GABRG2: variants seen among roughly 807,000 people sequenced by gnomAD.
GABRG2 encodes the protein gamma-aminobutyric acid type A receptor subunit gamma2.
A neutral mutation model predicts 56.4 loss-of-function variants in GABRG2; 16 were observed. The observed-to-expected ratio is 0.28, with a 90% CI of 0.19 to 0.43. The LOEUF is 0.43. GABRG2 is among the 20% of genes least tolerant of loss of function. The pLI is 1.00. For missense variants in GABRG2, 327 were observed against 582.7 expected, an observed-to-expected ratio of 0.56 and a Z score of 4.52; for synonymous variants, 208 against 205.5, an observed-to-expected ratio of 1.01 and a Z score of -0.10.
intron 7 of GABRG2, 22 bp from the exon 8 acceptor site, chr5:162,149,085 TG>T: frequency 6.2e-7 from 1 of 1,610,872 alleles, no homozygotes; most frequent in Non-Finnish European, 8.5e-7. Flanking sequence ...TCACATGACC[TG>T]TATTATTACA....
At position 162,148,613 on chromosome 5, in the gene GABRG2, G is replaced by T. The variant is rs191743342; in HGVS notation, c.923-495G>T. On this transcript the variant is annotated intron_variant, in intron 7 of 9. Transcript: ENST00000639213. ...TTAATCCCCTTGTCCCTTCCCAGGT[G>T]CCAGGTCTTCTAAAAATTTAAATAA... Among the ~76,000 whole-genome samples, 499 of 152,174 alleles carry T rather than the reference G, an allele frequency of 3.3e-3. 3 individuals are homozygous for T. The highest frequency in any genetic ancestry group is 0.011 in the African/African-American group (461 of 41,508).
chr5:162,097,136 A>G (rs1041909122), intron 3 of GABRG2, among the ~76,000 whole-genome samples: 4 of 152,098 alleles, frequency 2.6e-5, no homozygotes, highest in Non-Finnish European at 4.4e-5. Flanking sequence ...GTTTCACTCT[A>G]CAGTGGTGGT....
intron 6 of GABRG2, among the ~76,000 whole-genome samples, chr5:162,105,616 G>A (rs1164440962): frequency 2.0e-5 from 3 of 151,582 alleles, no homozygotes; most frequent in African/African-American, 7.3e-5. Context: ...TTTTTTAGTA[G>A]AGACGTGGTT....
intron 1 of GABRG2, among the ~76,000 whole-genome samples, chr5:162,072,737 G>A (rs996631993): frequency 2.6e-5 from 4 of 151,676 alleles, no homozygotes; most frequent in East Asian, 1.9e-4. Context: ...CTGTGACTCC[G>A]CAAAGTATTT....
intron 4 of GABRG2, among the ~76,000 whole-genome samples, chr5:162,100,761 A>C (rs889155441): frequency 2.0e-5 from 3 of 152,194 alleles, no homozygotes; most frequent in African/African-American, 7.2e-5. Context: ...GTATTTGTAC[A>C]CTCACCTTTA....
chr5:162,136,436 A>G (rs1243801288), intron 6 of GABRG2, among the ~76,000 whole-genome samples: 2 of 151,928 alleles, frequency 1.3e-5, no homozygotes, highest in Non-Finnish European at 2.9e-5. Context: ...CATTTTAGAT[A>G]GGACAGGTGT....
chr5:162,135,570 A>T (rs1014617337), intron 6 of GABRG2, among the ~76,000 whole-genome samples: 1 of 152,218 alleles, frequency 6.6e-6, no homozygotes, highest in Non-Finnish European at 1.5e-5. Flanking sequence ...TATAATCTAG[A>T]GTATAATCCA....
chr5:162,128,061 A>G (rs1763468567), intron 6 of GABRG2, among the ~76,000 whole-genome samples: 1 of 152,146 alleles, frequency 6.6e-6, no homozygotes, highest in East Asian at 1.9e-4. Flanking sequence ...AGCATGTGAT[A>G]TATAAATTCA....
chr5:162,153,520 G>T lies in GABRG2; in HGVS notation c.*152G>T, dbSNP rs1458468513. Reference sequence around the variant, plus strand: ...CTGGTAAATTTTATAATGTCATATTGTTTGTGCCCAGCCCTCCTTTGGTTA... The same window carrying T: ...CTGGTAAATTTTATAATGTCATATTTTTTGTGCCCAGCCCTCCTTTGGTTA... On this transcript the variant is annotated 3_prime_UTR_variant, in exon 10 of 10. Transcript: ENST00000639213. 1 of 965,188 alleles carries T rather than the reference G, an allele frequency of 1.0e-6. No homozygotes were observed. Among genetic ancestry groups the T allele is most frequent in the Non-Finnish European group, 1.6e-6 (1 of 617,494 alleles). 59.8% of individuals were successfully genotyped at this position (965,188 alleles called of 1,614,324 possible).
At chr5:162,118,966 G>A (rs1443087675) in intron 6 of GABRG2, among the ~76,000 whole-genome samples, 4 of 152,188 alleles carry the variant, frequency 2.6e-5, no homozygotes, top group Non-Finnish European at 4.4e-5. Context: ...GCACTTTAAC[G>A]TAAAGTGAAA....
chr5:162,137,122 A>G lies in GABRG2; in HGVS notation c.770-5042A>G, dbSNP rs144381058. The stretch of plus-strand genomic sequence containing the variant: ...TGATTAATTTGGAAATCTTTTATCC[A>G]CAAAAATGTTCTGGATCCCTTAAGC... On this transcript the variant is annotated intron_variant, in intron 6 of 9. Transcript: ENST00000639213. Among the ~76,000 whole-genome samples, 383 of 152,210 alleles carry G rather than the reference A, an allele frequency of 2.5e-3. 2 individuals are homozygous for G. Among genetic ancestry groups the G allele is most frequent in the African/African-American group, 8.8e-3 (366 of 41,524 alleles).
At chr5:162,089,710 T>C (rs889682652) in intron 1 of GABRG2, among the ~76,000 whole-genome samples, 6 of 152,114 alleles carry the variant, frequency 3.9e-5, no homozygotes, top group Non-Finnish European at 8.8e-5. Flanking sequence ...GATAAATATA[T>C]ATTCAGTCTT....
intron 7 of GABRG2, among the ~76,000 whole-genome samples, chr5:162,146,571 A>G (rs561406517): frequency 1.6e-4 from 24 of 151,576 alleles, no homozygotes; most frequent in African/African-American, 5.4e-4. Flanking sequence ...TTGATCTTTC[A>G]TGTATATACT....
At chr5:162,068,519 T>C (rs1456461294) in intron 1 of GABRG2, among the ~76,000 whole-genome samples, 1 of 148,868 alleles carries the variant, frequency 6.7e-6, no homozygotes. Flanking sequence ...ACCGGAGAGA[T>C]ATGTGTGAGG....
At chr5:162,071,664 A>G (rs1758682174) in intron 1 of GABRG2, among the ~76,000 whole-genome samples, 2 of 152,142 alleles carry the variant, frequency 1.3e-5, no homozygotes, top group South Asian at 4.1e-4. Context: ...GTAGAAAAAA[A>G]TATTTTGATT....
At chr5:162,129,052 G>A (rs190015760) in intron 6 of GABRG2, among the ~76,000 whole-genome samples, 88 of 152,030 alleles carry the variant, frequency 5.8e-4, no homozygotes, top group Middle Eastern at 3.4e-3. Flanking sequence ...TAAAGTGATA[G>A]TATTTTAGAG....
Position 162,155,066 on chromosome 5 carries a change from C to A in GABRG2, c.*1698C>A, listed in dbSNP as rs1328350189. ...TAGCTAGTATAACTTTACAGATAACCTAAAAAGAATAGAAAAGAAGAGAGA... is the reference window on the plus strand; with the variant it reads ...TAGCTAGTATAACTTTACAGATAACATAAAAAGAATAGAAAAGAAGAGAGA... On this transcript the variant is annotated 3_prime_UTR_variant, in exon 10 of 10. Transcript: ENST00000639213. 6.6e-6 allele frequency: 1 copy of A among 152,272 alleles called. No homozygotes were observed. Among genetic ancestry groups the A allele is most frequent in the East Asian group, 1.9e-4 (1 of 5,180 alleles). The allele number at this position is 152,272 out of a possible 1,614,324, so 9.4% of individuals were successfully genotyped here.
At chr5:162,072,294 T>C (rs1581286890) in intron 1 of GABRG2, among the ~76,000 whole-genome samples, 1 of 151,978 alleles carries the variant, frequency 6.6e-6, no homozygotes, top group African/African-American at 2.4e-5. Context: ...TACTACAATT[T>C]CCCAGCCATT....
At chr5:162,106,391 C>T (rs912211459) in intron 6 of GABRG2, among the ~76,000 whole-genome samples, 3 of 152,160 alleles carry the variant, frequency 2.0e-5, no homozygotes, top group African/African-American at 4.8e-5. Context: ...TCAACGGGCT[C>T]GGTGACGAGA....
Sources: gnomAD v4.1 joint callset for allele counts (sites outside exome capture counted in the v4.1 genomes callset) on GRCh38, gnomAD v4.1.1 for gene constraint, MANE v1.5 for transcripts, NCBI Gene and HGNC (gene_info 2026-07-23, HGNC 2026-07-21) for gene names.